Variants in MKNK1 observed in about 807,000 individuals in gnomAD.
MKNK1 encodes MAP kinase-interacting serine/threonine-protein kinase 1.
Under a neutral mutation model 49.3 loss-of-function variants are expected in MKNK1, and 30 were observed. The ratio of observed to expected loss-of-function variants is 0.61; its 90% CI spans 0.46 to 0.83. MKNK1 has a LOEUF of 0.83. MKNK1 is among the 40% of genes least tolerant of loss of function. The probability of loss-of-function intolerance (pLI) is 0.00; values close to 1 mark genes in which losing one functional copy is unlikely to be tolerated. For missense variants in MKNK1, 423 were observed against 524.7 expected (o/e 0.81, Z 1.89); for synonymous variants, 176 against 201.7 (o/e 0.87, Z 1.08).
chr1:46,586,092 A>C, intron 2 of MKNK1: 1 of 393,286 alleles, frequency 2.5e-6, no homozygotes, highest in Non-Finnish European at 4.9e-6. Context: ...CTAGTTGCCC[A>C]TGTGGAGCCT....
intron 11 of MKNK1, 107 bp downstream of exon 11, chr1:46,561,371 G>A (rs1299337356): frequency 1.5e-6 from 2 of 1,290,762 alleles, no homozygotes; most frequent in Non-Finnish European, 1.1e-6. Flanking sequence ...CTCTTCAGCT[G>A]CACCAGCCAC....
intron 11 of MKNK1, among the ~76,000 whole-genome samples, 194 bp downstream of exon 11, chr1:46,561,284 C>G (rs1667918118): frequency 6.6e-6 from 1 of 152,226 alleles, no homozygotes; most frequent in Non-Finnish European, 1.5e-5. Flanking sequence ...ACAGCCAACT[C>G]TATGGCCTAT....
Position 46,558,469 on chromosome 1 carries a change from G to C in MKNK1, c.*106C>G. On this transcript the variant is annotated 3_prime_UTR_variant, in exon 13 of 13. Coordinates refer to ENST00000371945, the MANE Select transcript of MKNK1 (RefSeq NM_001135553.4). ...TCGTAGATGAAAAAGCCTGAATGGA[G>C]CCACAGAGCAGAGGCTGCTGCCTGC... 1 of 1,155,542 alleles carries C rather than the reference G, an allele frequency of 8.7e-7. No homozygotes were observed. The highest frequency in any genetic ancestry group is 1.2e-6 in the Non-Finnish European group (1 of 835,878). 71.6% of individuals were successfully genotyped at this position (1,155,542 alleles called of 1,614,324 possible). A position where few individuals can be genotyped will look rare whatever the true frequency, so the allele number is the denominator to read the frequency against.
At chr1:46,560,765 C>T (rs928037927) in intron 11 of MKNK1, among the ~76,000 whole-genome samples, 1 of 152,172 alleles carries the variant, frequency 6.6e-6, no homozygotes, top group African/African-American at 2.4e-5. Context: ...GGCAGGTGCT[C>T]ACTTATGGGT....
intron 2 of MKNK1, chr1:46,586,338 C>T (rs1439619471): frequency 4.6e-6 from 1 of 217,728 alleles, no homozygotes; most frequent in Non-Finnish European, 9.5e-6. Context: ...AAGGTTTCTA[C>T]AGAGACTCTG....
At chr1:46,600,586 T>C (rs1674600427) in intron 1 of MKNK1, among the ~76,000 whole-genome samples, 1 of 152,228 alleles carries the variant, frequency 6.6e-6, no homozygotes, top group African/African-American at 2.4e-5. Context: ...CTCTCCAGCA[T>C]ATAAGGAGAC....
chr1:46,580,665 T>C, intron 3 of MKNK1, 38 bp from the exon 4 acceptor site: 2 of 1,437,846 alleles, frequency 1.4e-6, no homozygotes, highest in East Asian at 2.3e-5. Context: ...ACAAGATGAG[T>C]CACCCTACTG....
rs776332494 is a variant in MKNK1, at chr1:46,572,045, G to A, written c.457+18C>T. ...CTGGCCAGCCCAACCCACCCACCAA[G>A]GCAAAGGCTGGGTTCACCTTTGGTA... On this transcript the variant is annotated intron_variant, in intron 7 of 12. Coordinates refer to ENST00000371945, the MANE Select transcript of MKNK1 (RefSeq NM_001135553.4). The A allele has an allele frequency of 1.2e-5, 20 of 1,611,176 alleles. No individual in the cohort carries two copies. The highest frequency in any genetic ancestry group is 5.9e-6 in the Non-Finnish European group (7 of 1,177,656).
intron 5 of MKNK1, chr1:46,575,909 C>T (rs1670880792): frequency 2.6e-5 from 4 of 152,068 alleles, no homozygotes; most frequent in Admixed American, 2.6e-4. Context: ...GTTAAATCAA[C>T]AGCAGCCCCC....
chr1:46,599,351 A>G (rs1674454752), intron 1 of MKNK1, among the ~76,000 whole-genome samples: 1 of 152,152 alleles, frequency 6.6e-6, no homozygotes, highest in Non-Finnish European at 1.5e-5. Flanking sequence ...GCCTCCCCCG[A>G]CAGACCCTTT....
intron 11 of MKNK1, among the ~76,000 whole-genome samples, chr1:46,561,119 C>T (rs1038778540): frequency 2.0e-5 from 3 of 152,216 alleles, no homozygotes; most frequent in Non-Finnish European, 4.4e-5. Flanking sequence ...CAGCGCAGCA[C>T]GGCCTTGCTC....
chr1:46,567,582 T>C (rs138507447), intron 8 of MKNK1, among the ~76,000 whole-genome samples: 1 of 152,322 alleles, frequency 6.6e-6, no homozygotes, highest in Non-Finnish European at 1.5e-5. Context: ...AGCGAATCCA[T>C]TATTATTCCC....
At chr1:46,571,036 G>A (rs1441383732) in intron 7 of MKNK1, among the ~76,000 whole-genome samples, 2 of 152,060 alleles carry the variant, frequency 1.3e-5, no homozygotes, top group African/African-American at 4.8e-5. Context: ...TTTTTCCAGG[G>A]TACTGCTGTT....
At chr1:46,584,077 T>A (rs925795343) in intron 2 of MKNK1, among the ~76,000 whole-genome samples, 10 of 152,184 alleles carry the variant, frequency 6.6e-5, no homozygotes, top group African/African-American at 2.2e-4. Context: ...TGGCTCCCAA[T>A]CTTAAAAGGA....
chr1:46,602,461 GGTT>G (rs1394210625), intron 1 of MKNK1, among the ~76,000 whole-genome samples: 3 of 152,172 alleles, frequency 2.0e-5, no homozygotes, highest in Non-Finnish European at 4.4e-5. Flanking sequence ...CTGAAGCACA[GGTT>G]GCAGGTTTGG....
intron 1 of MKNK1, among the ~76,000 whole-genome samples, chr1:46,599,319 G>A (rs1288124186): frequency 6.6e-6 from 1 of 152,158 alleles, no homozygotes; most frequent in Non-Finnish European, 1.5e-5. Context: ...AAAATGAAGA[G>A]ACAGGATGTG....
intron 11 of MKNK1, among the ~76,000 whole-genome samples, chr1:46,561,082 T>A (rs1173692461): frequency 2.0e-5 from 3 of 152,238 alleles, no homozygotes; most frequent in African/African-American, 7.2e-5. Context: ...GGAGAACCTA[T>A]GTGCCCCAAC....
intron 4 of MKNK1, among the ~76,000 whole-genome samples, chr1:46,579,555 A>G (rs542686088): frequency 5.3e-5 from 8 of 152,346 alleles, no homozygotes; most frequent in Admixed American, 3.3e-4. Flanking sequence ...CTCAAGGATT[A>G]GTGAGTGTCA....
Position 46,557,895 on chromosome 1 carries a change from T to A in MKNK1, c.*680A>T, listed in dbSNP as rs1667265226. On this transcript the variant is annotated 3_prime_UTR_variant, in exon 13 of 13. Coordinates refer to ENST00000371945, the MANE Select transcript of MKNK1 (RefSeq NM_001135553.4). ...TGGTTAAAAACACCAAACTTTTTTT[T>A]TAAAAAAACGATACTACTGACTTTA... The A allele has an allele frequency of 6.6e-6, 1 of 152,278 alleles. No individual in the cohort carries two copies. The highest frequency in any genetic ancestry group is 2.1e-4 in the South Asian group (1 of 4,796). The allele number at this position is 152,278 out of a possible 1,614,324, so 9.4% of individuals were successfully genotyped here. A position where few individuals can be genotyped will look rare whatever the true frequency, so the allele number is the denominator to read the frequency against.
Sources: allele counts gnomAD v4.1 joint callset (sites outside exome capture counted in the v4.1 genomes callset), GRCh38; gene constraint gnomAD v4.1.1; transcripts MANE v1.5; gene names NCBI Gene and HGNC (gene_info 2026-07-23, HGNC 2026-07-21).